The following USH2A variants were observed in gnomAD, a reference collection of about 807,000 sequenced individuals.
USH2A encodes usherin, also known as Usher syndrome 2A (autosomal recessive, mild).
In USH2A, 443 loss-of-function variants were observed where a neutral mutation model predicts 538.9. The observed-to-expected ratio is 0.82, with a 90% CI of 0.76 to 0.89. The LOEUF (loss-of-function observed/expected upper bound fraction) is 0.89, where lower values mean the gene tolerates loss of function less well. Among genes scored for constraint, USH2A ranks in the 40% least tolerant of loss-of-function variants. USH2A has a pLI of 0.00. For synonymous variants in USH2A, 2,413 were observed against 2,273.5 expected (o/e 1.06, Z -1.75); for missense variants, 6,633 against 6,324.8 (o/e 1.05, Z -1.65).
intron 20 of USH2A, among the ~76,000 whole-genome samples, chr1:216,182,193 T>G (rs570075632): frequency 6.6e-6 from 1 of 152,116 alleles, no homozygotes; most frequent in Non-Finnish European, 1.5e-5. Context: ...GTGGGACCTA[T>G]AGCAACTTTG....
chr1:215,876,864 G>C (rs1459648197), intron 43 of USH2A, among the ~76,000 whole-genome samples: 3 of 152,130 alleles, frequency 2.0e-5, no homozygotes, highest in Non-Finnish European at 4.4e-5. Context: ...AATGTGGCTG[G>C]AATGCAGAGG....
rs2032042198 is a variant in USH2A, at chr1:216,084,154, T to G, written c.5167+544A>C. On this transcript the variant is annotated intron_variant, in intron 25 of 71. Coordinates refer to ENST00000307340, the MANE Select transcript of USH2A (RefSeq NM_206933.4). Reference sequence around the variant, plus strand: ...CAGGCAGAGACTCAATGTGCATGCATGTCAGGGGTAAGCTACAGACACTTA... The same window carrying G: ...CAGGCAGAGACTCAATGTGCATGCAGGTCAGGGGTAAGCTACAGACACTTA... Among the ~76,000 whole-genome samples the G allele has an allele frequency of 2.0e-5, 3 of 151,932 alleles. 1 individual carries two copies. The South Asian group carries it at 6.2e-4, about 31-fold the overall frequency.
intron 3 of USH2A, among the ~76,000 whole-genome samples, chr1:216,402,858 C>A (rs2102762507): frequency 1.3e-5 from 2 of 152,200 alleles, no homozygotes; most frequent in South Asian, 4.1e-4. Context: ...ATGTCAGATG[C>A]TGCTAAAGCA....
intron 38 of USH2A, among the ~76,000 whole-genome samples, chr1:215,924,341 T>G (rs562031616): frequency 6.6e-6 from 1 of 152,206 alleles, no homozygotes; most frequent in South Asian, 2.1e-4. Flanking sequence ...AGGGATTTTC[T>G]TGATGCTGCT....
intron 58 of USH2A, 91 bp from the exon 59 acceptor site, chr1:215,743,426 A>ATG: frequency 6.7e-6 from 2 of 298,114 alleles, no homozygotes; most frequent in Non-Finnish European, 1.1e-5. Context: ...GTATATATAT[A>ATG]TAGACACACA....
Position 216,292,252 on chromosome 1 carries a change from ATGT to A in USH2A, c.1760_1762del (p.Asn587del), listed in dbSNP as rs2037015853. The A allele has an allele frequency of 1.2e-6, 2 of 1,614,110 alleles. No homozygotes were observed. The highest frequency in any genetic ancestry group is 1.1e-5 in the South Asian group (1 of 91,078). Reference sequence around the variant, plus strand: ...CTCAAAAGGAAATGGGTCTACAGAGATGTTGTAATGGCAGCTTTTGGAATGGCT... The same window carrying A: ...CTCAAAAGGAAATGGGTCTACAGAGATGTAATGGCAGCTTTTGGAATGGCT... On this transcript the variant is annotated inframe_deletion, in exon 10 of 72. Coordinates refer to ENST00000307340, the MANE Select transcript of USH2A (RefSeq NM_206933.4).
At chr1:216,399,768 T>A (rs2039276253) in intron 3 of USH2A, among the ~76,000 whole-genome samples, 1 of 152,098 alleles carries the variant, frequency 6.6e-6, no homozygotes, top group Non-Finnish European at 1.5e-5. Context: ...GGCGGCCCGC[T>A]TTCACTGGGA....
chr1:215,939,448 T>TA (rs921182296), intron 37 of USH2A, among the ~76,000 whole-genome samples: 1 of 152,110 alleles, frequency 6.6e-6, no homozygotes, highest in Non-Finnish European at 1.5e-5. Context: ...GTTTTACTTA[T>TA]AAAAAAACCT....
intron 15 of USH2A, among the ~76,000 whole-genome samples, chr1:216,211,620 C>A (rs1456215080): frequency 1.3e-5 from 2 of 152,120 alleles, no homozygotes; most frequent in Admixed American, 1.3e-4. Flanking sequence ...ATGCTCATTG[C>A]CCTCCTTTTG....
At chr1:215,689,029 T>C (rs1292540867) in intron 61 of USH2A, among the ~76,000 whole-genome samples, 1 of 152,128 alleles carries the variant, frequency 6.6e-6, no homozygotes, top group Non-Finnish European at 1.5e-5. Context: ...GGATTGAATG[T>C]AGAAGGCAAG....
At chr1:215,991,311 T>A (rs1430373750) in intron 35 of USH2A, among the ~76,000 whole-genome samples, 1 of 152,262 alleles carries the variant, frequency 6.6e-6, no homozygotes, top group South Asian at 2.1e-4. Context: ...CTAAAAAATT[T>A]AGACTTTATT....
chr1:216,039,703 G>A (rs1262905006), intron 32 of USH2A, among the ~76,000 whole-genome samples: 3 of 151,964 alleles, frequency 2.0e-5, no homozygotes, highest in Admixed American at 6.6e-5. Context: ...GCTCAAATTT[G>A]TAGAGTGCTG....
intron 3 of USH2A, among the ~76,000 whole-genome samples, chr1:216,408,413 C>G (rs1434677285): frequency 6.6e-6 from 1 of 152,086 alleles, no homozygotes; most frequent in African/African-American, 2.4e-5. Flanking sequence ...TGCCTGAAAC[C>G]GTGGATATTA....
intron 21 of USH2A, among the ~76,000 whole-genome samples, chr1:216,142,991 A>G (rs1191000912): frequency 6.6e-6 from 1 of 152,146 alleles, no homozygotes; most frequent in Non-Finnish European, 1.5e-5. Context: ...GTAAACAGTT[A>G]TCATGTGTCC....
intron 60 of USH2A, among the ~76,000 whole-genome samples, chr1:215,730,908 G>A (rs1659977492): frequency 6.6e-6 from 1 of 152,134 alleles, no homozygotes; most frequent in African/African-American, 2.4e-5. Context: ...GTGTGTCATT[G>A]GGAGAGATCC....
intron 30 of USH2A, among the ~76,000 whole-genome samples, chr1:216,064,629 A>T (rs750011291): frequency 3.9e-5 from 6 of 152,090 alleles, no homozygotes; most frequent in Non-Finnish European, 8.8e-5. Flanking sequence ...AACATATAGG[A>T]TGGTGGTCCC....
At position 215,921,547 on chromosome 1, in the gene USH2A, C is replaced by T. The variant is rs1666099837; in HGVS notation, c.7300+13069G>A. ...TTGACCCTACTATAGAGTCAAGTCA[C>T]CTCTTCAGATCTGCATTGATTAGTG... On this transcript the variant is annotated intron_variant, in intron 38 of 71. Transcript: ENST00000307340. Among the ~76,000 whole-genome samples, 2 of 152,006 alleles carry T rather than the reference C, an allele frequency of 1.3e-5. 1 individual carries two copies. The highest frequency in any genetic ancestry group is 1.3e-4 in the Admixed American group (2 of 15,220).
Position 215,973,142 on chromosome 1 carries a change from C to T in USH2A, c.6806-2366G>A, listed in dbSNP as rs6681491. ...AAGAAACCATAAGACCCTTGAAATG[C>T]TACCTATTTGACCTGCTTTTTAACT... On this transcript the variant is annotated intron_variant, in intron 35 of 71. Transcript: ENST00000307340. 6.6e-3 allele frequency among the ~76,000 whole-genome samples: 1,000 copies of T among 152,154 alleles called. 11 individuals are homozygous for T. The highest frequency in any genetic ancestry group is 0.023 in the African/African-American group (945 of 41,534).
At chr1:215,650,520 A>C in intron 65 of USH2A, 72 bp downstream of exon 65, 1 of 1,584,234 alleles carries the variant, frequency 6.3e-7, no homozygotes, top group Non-Finnish European at 8.7e-7. Context: ...AAACAAAAAC[A>C]TAAAAACAAA....
Sources: allele counts gnomAD v4.1 joint callset (sites outside exome capture counted in the v4.1 genomes callset), GRCh38; gene constraint gnomAD v4.1.1; transcripts MANE v1.5; gene names NCBI Gene and HGNC (gene_info 2026-07-23, HGNC 2026-07-21).